NAV2: variants seen among roughly 807,000 people sequenced by gnomAD.
NAV2 encodes neuron navigator 2.
NAV2 carries 54 observed loss-of-function variants against 223.2 expected under a neutral mutation model. That is an observed-to-expected ratio of 0.24 (90% CI 0.19 to 0.30). The LOEUF is 0.30. Among genes scored for constraint, NAV2 ranks in the 10% least tolerant of loss-of-function variants. The pLI, the probability that NAV2 is intolerant of heterozygous loss-of-function variation, is 1.00. For synonymous variants in NAV2, 1,279 were observed against 1,239.3 expected, an observed-to-expected ratio of 1.03 and a Z score of -0.67; for missense variants, 2,806 against 3,147.5, an observed-to-expected ratio of 0.89 and a Z score of 2.60.
At chr11:19,498,747 T>C (rs2042876031) in intron 1 of NAV2, among the ~76,000 whole-genome samples, 1 of 152,234 alleles carries the variant, frequency 6.6e-6, no homozygotes, top group Admixed American at 6.5e-5. Flanking sequence ...TACTATTGTC[T>C]GCTGTGTTCC....
At chr11:19,914,044 C>G (rs2043555483) in intron 6 of NAV2, among the ~76,000 whole-genome samples, 1 of 152,164 alleles carries the variant, frequency 6.6e-6, no homozygotes, top group Admixed American at 6.5e-5. Flanking sequence ...TTTTAATTTT[C>G]AGGAGTTTTG....
chr11:19,809,398 A>G (rs1464664174), intron 1 of NAV2, among the ~76,000 whole-genome samples: 2 of 152,256 alleles, frequency 1.3e-5, no homozygotes, highest in East Asian at 3.8e-4. Context: ...GTTGCACACC[A>G]TAGTCAACTA....
chr11:19,713,345 G>T lies in NAV2; in HGVS notation c.-351G>T. ...GAGATGCAGTGACAAGTTAATATGG[G>T]CGTCCAAGCCTCTGTTTCCCAGGAG... On this transcript the variant is annotated 5_prime_UTR_variant, in exon 1 of 38. Transcript: ENST00000349880. This position sits in a 1 kb window ranked among gnomAD's most constrained non-coding sequence, Gnocchi z 7.2. 1 of 1,120,576 alleles carries T rather than the reference G, an allele frequency of 8.9e-7. No individual in the cohort carries two copies. Among genetic ancestry groups the T allele is most frequent in the South Asian group, 4.4e-5 (1 of 22,938 alleles). 69.4% of individuals were successfully genotyped at this position (1,120,576 alleles called of 1,614,324 possible).
At chr11:20,077,307 C>G (rs2059820766) in intron 22 of NAV2, among the ~76,000 whole-genome samples, 2 of 151,894 alleles carry the variant, frequency 1.3e-5, no homozygotes, top group South Asian at 4.2e-4. Context: ...GAGGGAAGAA[C>G]ATTTCAGGTA....
intron 6 of NAV2, among the ~76,000 whole-genome samples, chr11:19,909,598 T>C (rs895764756): frequency 6.6e-6 from 1 of 152,130 alleles, no homozygotes; most frequent in Non-Finnish European, 1.5e-5. Flanking sequence ...AGGAGGAGAT[T>C]CCTGGCTGTA....
At chr11:19,990,860 G>A (rs2153464158) in intron 11 of NAV2, among the ~76,000 whole-genome samples, 1 of 152,294 alleles carries the variant, frequency 6.6e-6, no homozygotes, top group South Asian at 2.1e-4. Context: ...TTCCCACACT[G>A]TAGAAAACTC....
At chr11:20,000,176 G>A (rs2052402446) in intron 11 of NAV2, among the ~76,000 whole-genome samples, 1 of 152,184 alleles carries the variant, frequency 6.6e-6, no homozygotes, top group Non-Finnish European at 1.5e-5. Context: ...TAGTTAACAC[G>A]CTCCACATCC....
intron 1 of NAV2, among the ~76,000 whole-genome samples, chr11:19,481,588 A>G (rs1308842715): frequency 1.3e-5 from 2 of 152,222 alleles, no homozygotes; most frequent in Non-Finnish European, 2.9e-5. Context: ...GTAAAACAGG[A>G]TAAATAGTAA....
At chr11:19,712,814 C>CGCAGCAGCGCCG (rs2049964720), upstream of NAV2, among the ~76,000 whole-genome samples, 1 of 151,632 alleles carries the variant, frequency 6.6e-6, no homozygotes, top group Admixed American at 6.6e-5. Flanking sequence ...CAGCGCGCGC[C>CGCAGCAGCGCCG]GCAGCAGCGC....
chr11:20,052,373 T>G (rs1271059808), intron 17 of NAV2, among the ~76,000 whole-genome samples: 1 of 152,238 alleles, frequency 6.6e-6, no homozygotes, highest in Non-Finnish European at 1.5e-5. Flanking sequence ...ACAGTCATCC[T>G]GCAGGAAGTT....
In NAV2 at chr11:19,818,231, A is replaced by ATTTTTTTTT. The variant is rs34649376; in HGVS notation, c.268-14230_268-14222dup. 1.8e-4 allele frequency among the ~76,000 whole-genome samples: 10 copies of ATTTTTTTTT among 56,038 alleles called. 1 individual carries two copies. Among genetic ancestry groups the ATTTTTTTTT allele is most frequent in the African/African-American group, 5.2e-4 (6 of 11,532 alleles). 36.8% of individuals were successfully genotyped at this position (56,038 alleles called of 152,430 possible). A position where few individuals can be genotyped will look rare whatever the true frequency, so the allele number is the denominator to read the frequency against. On this transcript the variant is annotated intron_variant, in intron 1 of 37. Coordinates refer to ENST00000349880, the MANE Select transcript of NAV2 (RefSeq NM_145117.5). Reference sequence around the variant, plus strand: ...CTGTCCCACCTGTGTGTATTTAGTGATTTTTTTTTTTTTTTTTTTTTTTTT... The same window carrying ATTTTTTTTT: ...CTGTCCCACCTGTGTGTATTTAGTGATTTTTTTTTTTTTTTTTTTTTTTTTTTTTTTTTT...
chr11:19,759,244 G>A (rs139545133), intron 1 of NAV2, among the ~76,000 whole-genome samples: 4,951 of 151,954 alleles, frequency 0.033, 134 homozygotes, highest in Non-Finnish European at 0.055. Flanking sequence ...CGCCATGCCC[G>A]GCTAATTTTT....
intron 1 of NAV2, among the ~76,000 whole-genome samples, chr11:19,465,062 T>G (rs1295359053): frequency 1.3e-5 from 2 of 152,230 alleles, no homozygotes; most frequent in East Asian, 3.8e-4. Context: ...GCAGTAGTTC[T>G]GTTTCTATGG....
intron 1 of NAV2, among the ~76,000 whole-genome samples, chr11:19,487,313 C>T (rs1176489863): frequency 6.6e-6 from 1 of 152,224 alleles, no homozygotes; most frequent in African/African-American, 2.4e-5. Context: ...GGTAAAGTAA[C>T]AGCTTCTCAA....
intron 8 of NAV2, among the ~76,000 whole-genome samples, chr11:19,944,893 TCTTTCCTTTC>T (rs974034038): frequency 2.7e-5 from 4 of 149,764 alleles, no homozygotes; most frequent in African/African-American, 9.8e-5. Context: ...TTCTTTCCTT[TCTTTCCTTTC>T]CTTTCCTTCT....
chr11:19,396,825 A>G (rs965957068), intron 1 of NAV2, among the ~76,000 whole-genome samples: 1 of 152,190 alleles, frequency 6.6e-6, no homozygotes, highest in Non-Finnish European at 1.5e-5. Flanking sequence ...GTAATGTAGA[A>G]TTTTCACTTT....
intron 1 of NAV2, among the ~76,000 whole-genome samples, chr11:19,677,641 C>G (rs1282986291): frequency 6.6e-6 from 1 of 152,248 alleles, no homozygotes. Context: ...AGGAAAGGAG[C>G]ATTTTCAGGG....
chr11:20,053,967 A>G (rs1414074347), intron 17 of NAV2, 113 bp from the exon 18 acceptor site: 2 of 1,161,314 alleles, frequency 1.7e-6, no homozygotes, highest in African/African-American at 3.2e-5. Context: ...GATTTTAAAA[A>G]AAATCATCTT....
intron 11 of NAV2, among the ~76,000 whole-genome samples, chr11:20,020,838 G>T (rs891003996): frequency 1.3e-5 from 2 of 151,968 alleles, no homozygotes; most frequent in African/African-American, 2.4e-5. Flanking sequence ...CTCCTCTCTC[G>T]CTGTACCCTT....
Sources: gnomAD v4.1 joint callset for allele counts (sites outside exome capture counted in the v4.1 genomes callset) on GRCh38, gnomAD v4.1.1 for gene constraint, Gnocchi (gnomAD v3.1) non-coding constraint, MANE v1.5 for transcripts, NCBI Gene and HGNC (gene_info 2026-07-23, HGNC 2026-07-21) for gene names.